RALGAPA2: variants seen among roughly 807,000 people sequenced by gnomAD.
RALGAPA2 encodes the protein ral GTPase-activating protein subunit alpha-2.
A neutral mutation model predicts 230.4 loss-of-function variants in RALGAPA2; 139 were observed. The ratio of observed to expected loss-of-function variants is 0.60; its 90% CI spans 0.53 to 0.69. RALGAPA2 has a LOEUF of 0.69. Among genes scored for constraint, RALGAPA2 ranks in the 30% least tolerant of loss-of-function variants. The pLI is 0.00. For synonymous variants in RALGAPA2, 847 were observed against 837.8 expected (o/e 1.01, Z -0.19); for missense variants, 2,163 against 2,276.0 (o/e 0.95, Z 1.01).
chr20:20,440,608 AG>A (rs1569402590), intron 37 of RALGAPA2, among the ~76,000 whole-genome samples: 3 of 152,318 alleles, frequency 2.0e-5, no homozygotes, highest in East Asian at 3.9e-4. Flanking sequence ...AGACTAGGGA[AG>A]AAAGCCCGCG....
chr20:20,570,831 G>A (rs1003947976), intron 23 of RALGAPA2, among the ~76,000 whole-genome samples: 4 of 152,064 alleles, frequency 2.6e-5, no homozygotes, highest in Admixed American at 1.3e-4. Flanking sequence ...GTCCCTATCC[G>A]TAATCTCCCT....
chr20:20,545,525 G>A (rs1034238893), intron 24 of RALGAPA2, among the ~76,000 whole-genome samples: 5 of 152,122 alleles, frequency 3.3e-5, no homozygotes, highest in African/African-American at 1.2e-4. Context: ...AAAACCAAGG[G>A]CTTGAAGTTT....
At chr20:20,682,076 A>G (rs1375213608) in intron 1 of RALGAPA2, among the ~76,000 whole-genome samples, 13 of 152,300 alleles carry the variant, frequency 8.5e-5, no homozygotes, top group African/African-American at 2.4e-4. Flanking sequence ...GATGATTCTG[A>G]AGAGTTGTTT....
chr20:20,618,898 C>G (rs1229722868), intron 12 of RALGAPA2, among the ~76,000 whole-genome samples: 1 of 152,154 alleles, frequency 6.6e-6, no homozygotes, highest in African/African-American at 2.4e-5. Flanking sequence ...AGGAATATTA[C>G]TTATAAGATT....
At chr20:20,574,659 C>T (rs917578383) in intron 20 of RALGAPA2, among the ~76,000 whole-genome samples, 2 of 152,146 alleles carry the variant, frequency 1.3e-5, no homozygotes, top group Admixed American at 1.3e-4. Flanking sequence ...TAATAATCAA[C>T]AGAGGCAAGC....
At chr20:20,514,634 C>A (rs1386493491) in intron 31 of RALGAPA2, among the ~76,000 whole-genome samples, 2 of 152,218 alleles carry the variant, frequency 1.3e-5, no homozygotes, top group African/African-American at 2.4e-5. Context: ...AGAGCACCCA[C>A]TCATCTGAAT....
chr20:20,522,023 C>T (rs537203684), intron 30 of RALGAPA2, among the ~76,000 whole-genome samples: 2 of 152,318 alleles, frequency 1.3e-5, no homozygotes, highest in Admixed American at 1.3e-4. Context: ...ATCCTTATGG[C>T]AGCTCTCTTA....
chr20:20,426,677 C>T (rs985195239), intron 37 of RALGAPA2, among the ~76,000 whole-genome samples: 12 of 152,286 alleles, frequency 7.9e-5, no homozygotes, highest in African/African-American at 2.6e-4. Flanking sequence ...CAGAGATCAT[C>T]AGCAACACAC....
At chr20:20,573,207 G>T (rs1229823817) in intron 20 of RALGAPA2, 139 bp from the exon 21 acceptor site, 1 of 759,096 alleles carries the variant, frequency 1.3e-6, no homozygotes, top group Admixed American at 3.2e-5. Flanking sequence ...AATTTAAAAG[G>T]AGAGAAAAGC....
intron 37 of RALGAPA2, chr20:20,471,924 A>G (rs542941262): frequency 1.1e-4 from 16 of 152,294 alleles, no homozygotes; most frequent in African/African-American, 3.9e-4. Context: ...TCTACCCCCA[A>G]CTCTCACTTG....
chr20:20,410,963 C>T (rs549894370), intron 38 of RALGAPA2, among the ~76,000 whole-genome samples: 2 of 152,314 alleles, frequency 1.3e-5, no homozygotes, highest in East Asian at 3.9e-4. Context: ...CAACAAAGCT[C>T]TGAGAGGCAA....
At chr20:20,479,065 C>G (rs994334365) in intron 36 of RALGAPA2, among the ~76,000 whole-genome samples, 3 of 151,734 alleles carry the variant, frequency 2.0e-5, no homozygotes, top group African/African-American at 7.3e-5. Context: ...AAAAAAAATA[C>G]AATTTAGCAA....
chr20:20,407,496 G>A (rs2059971194), intron 38 of RALGAPA2, among the ~76,000 whole-genome samples: 2 of 152,224 alleles, frequency 1.3e-5, no homozygotes. Flanking sequence ...ATGGCGCGGA[G>A]GCCTTAGCAA....
chr20:20,607,171 T>G (rs1246499558), intron 14 of RALGAPA2, among the ~76,000 whole-genome samples: 1 of 146,274 alleles, frequency 6.8e-6, no homozygotes, highest in African/African-American at 2.4e-5. Flanking sequence ...TATATATAGA[T>G]TTTTTAATGG....
Position 20,512,750 on chromosome 20 carries a change from A to C in RALGAPA2, c.4619T>G (p.Leu1540Arg). The C allele has an allele frequency of 1.9e-6, 3 of 1,613,868 alleles. No homozygotes were observed. The highest frequency in any genetic ancestry group is 1.7e-6 in the Non-Finnish European group (2 of 1,179,754). ...TSPECLLPSQ[L>R]NLNEPSLTPC... is the part of the protein sequence containing the mutation. ...GGTTAGGGAAGGTTCATTTAGATTT[A>C]GCTGTGACGGTAAAAGGCATTCAGG... is the stretch of plus-strand genomic sequence containing the variant. The change falls in exon 32 of 40, where the codon CTA becomes CGA. Residue 1540 changes from leucine to arginine, a missense_variant. Leu to Arg is a moderately radical substitution (Grantham distance 102). Coordinates refer to ENST00000202677, the MANE Select transcript of RALGAPA2 (RefSeq NM_020343.4).
chr20:20,675,640 A>C (rs574948644), intron 3 of RALGAPA2, among the ~76,000 whole-genome samples: 3 of 152,318 alleles, frequency 2.0e-5, no homozygotes, highest in Non-Finnish European at 2.9e-5. Context: ...CTTTAAGCTT[A>C]ATAAGTCAAA....
chr20:20,455,269 G>A (rs2061086371), intron 37 of RALGAPA2, among the ~76,000 whole-genome samples: 1 of 152,252 alleles, frequency 6.6e-6, no homozygotes, highest in Non-Finnish European at 1.5e-5. Flanking sequence ...CTCGCTGTGC[G>A]AAAGGAAGGT....
chr20:20,546,877 C>T (rs1365936262), intron 23 of RALGAPA2, 45 bp from the exon 24 acceptor site: 1 of 1,522,266 alleles, frequency 6.6e-7, no homozygotes, highest in Non-Finnish European at 8.8e-7. Context: ...TGTTCAAACA[C>T]AAAATTCCAA....
At chr20:20,569,246 T>C (rs1230106268) in intron 23 of RALGAPA2, among the ~76,000 whole-genome samples, 2 of 152,192 alleles carry the variant, frequency 1.3e-5, no homozygotes, top group Admixed American at 1.3e-4. Context: ...TGCGTAATTT[T>C]CATCTGGCAA....
Sources: gnomAD v4.1 joint callset for allele counts (sites outside exome capture counted in the v4.1 genomes callset) on GRCh38, gnomAD v4.1.1 for gene constraint, MANE v1.5 for transcripts, NCBI Gene and HGNC (gene_info 2026-07-23, HGNC 2026-07-21) for gene names.